The following CASP10 variants were observed in gnomAD, a reference collection of about 807,000 sequenced individuals.
CASP10 encodes caspase-10.
CASP10 carries 41 observed loss-of-function variants against 48.5 expected under a neutral mutation model. The ratio of observed to expected loss-of-function variants is 0.85; its 90% CI spans 0.66 to 1.10. The LOEUF is 1.10. Ranked by LOEUF, CASP10 falls within the 50% of genes least tolerant of loss-of-function variation. CASP10 has a pLI of 0.00. For missense variants in CASP10, 614 were observed against 614.5 expected, an observed-to-expected ratio of 1.00 and a Z score of 0.01; for synonymous variants, 232 against 238.4, an observed-to-expected ratio of 0.97 and a Z score of 0.25.
At chr2:201,228,837 T>TA (rs1178986065) in intron 9 of CASP10, 59 of 1,045,940 alleles carry the variant, frequency 5.6e-5, no homozygotes, top group Admixed American at 2.0e-4. Context: ...CAGCTGCCCA[T>TA]AAAAAAGCTA....
In CASP10 at chr2:201,183,155, C is replaced by T. The variant is rs561343446; in HGVS notation, c.-161C>T. 6.6e-6 allele frequency: 1 copy of T among 152,352 alleles called. No homozygotes were observed. The highest frequency in any genetic ancestry group is 1.5e-5 in the Non-Finnish European group (1 of 68,042). 9.4% of individuals were successfully genotyped at this position (152,352 alleles called of 1,614,324 possible). A position where few individuals can be genotyped will look rare whatever the true frequency, so the allele number is the denominator to read the frequency against. The stretch of plus-strand genomic sequence containing the variant: ...CCTGAAGATTCAGTTTTCACTTAAA[C>T]AACCAGCAAGTCTTGAAGTCTCTTC... On this transcript the variant is annotated 5_prime_UTR_variant, in exon 1 of 10. Transcript: ENST00000286186.
At chr2:201,217,076 A>T (rs990233124) in intron 9 of CASP10, among the ~76,000 whole-genome samples, 2 of 152,164 alleles carry the variant, frequency 1.3e-5, no homozygotes, top group East Asian at 1.9e-4. Flanking sequence ...TAAATGTTTC[A>T]TATCTGCATT....
chr2:201,192,645 G>A (rs1324720772), intron 3 of CASP10, among the ~76,000 whole-genome samples: 3 of 151,854 alleles, frequency 2.0e-5, no homozygotes, highest in East Asian at 3.9e-4. Context: ...TGTGACCTTC[G>A]GCAAGTTACT....
chr2:201,201,538 G>T (rs1172823015), intron 5 of CASP10, among the ~76,000 whole-genome samples: 2 of 152,154 alleles, frequency 1.3e-5, no homozygotes, highest in South Asian at 2.1e-4. Context: ...GTTTCTAAAG[G>T]GGCATGGCTC....
In CASP10 at chr2:201,195,882, G is replaced by A. The variant is rs746876281; in HGVS notation, c.618G>A (p.Glu206=). 3.7e-6 allele frequency: 6 copies of A among 1,614,010 alleles called. No individual in the cohort carries two copies. In the East Asian group the frequency reaches 1.1e-4, roughly 30 times the overall value. Residue 206 remains glutamate (E), a synonymous_variant, in exon 5 of 10, where the codon GAG becomes GAA. Transcript: ENST00000286186. ...CACCTCCTGTAGACAAGGAAGCCGA[G>A]TCGTATCAAGGAGAGGAAGAACTAG... ...IVTPPVDKEA[E]SYQGEEELVS...
intron 5 of CASP10, among the ~76,000 whole-genome samples, chr2:201,201,046 T>A (rs1295139256): frequency 6.6e-6 from 1 of 151,918 alleles, no homozygotes; most frequent in African/African-American, 2.4e-5. Context: ...AGAAGCTCTT[T>A]ATTATTTTAT....
Position 201,200,832 on chromosome 2 carries a change from T to C in CASP10, c.685-2898T>C, listed in dbSNP as rs1000419739. 7 of 799,848 alleles carry C rather than the reference T, an allele frequency of 8.8e-6. No individual in the cohort carries two copies. The East Asian group carries it at 5.8e-4, about 66-fold the overall frequency. 49.5% of individuals were successfully genotyped at this position (799,848 alleles called of 1,614,324 possible). A position where few individuals can be genotyped will look rare whatever the true frequency, so the allele number is the denominator to read the frequency against. On this transcript the variant is annotated intron_variant, in intron 5 of 9. Transcript: ENST00000286186. Reference sequence around the variant, plus strand: ...TAAAATCTTAAATTGGCTTCTTTTCTCTAGGAAAATAGCCCTTGATTCAAT... The same window carrying C: ...TAAAATCTTAAATTGGCTTCTTTTCCCTAGGAAAATAGCCCTTGATTCAAT...
chr2:201,222,247 C>T (rs781339678), downstream of CASP10, among the ~76,000 whole-genome samples: 5 of 142,030 alleles, frequency 3.5e-5, no homozygotes, highest in South Asian at 4.4e-4. Context: ...GACAAAGTCT[C>T]GCTCTCTCAC....
Position 201,209,551 on chromosome 2 carries a change from A to G in CASP10, c.1404A>G (p.Lys468=). ...AGTCTCTGTGTAATCATCTGAAGAA[A>G]TTGGTCCCAAGGTGAGAGCTCTTTT... ...YIQSLCNHLK[K]LVPRHEDILS... is the part of the protein sequence containing the mutation. Residue 468 remains lysine, a synonymous_variant, in exon 9 of 10, where the codon AAA becomes AAG. Coordinates refer to ENST00000286186, the MANE Select transcript of CASP10 (RefSeq NM_032977.4). 1.2e-6 allele frequency: 2 copies of G among 1,608,022 alleles called. No individual in the cohort carries two copies. The highest frequency in any genetic ancestry group is 1.7e-6 in the Non-Finnish European group (2 of 1,178,326).
chr2:201,206,032 C>T (rs1471371449), intron 7 of CASP10, 59 bp downstream of exon 7: 1 of 1,088,878 alleles, frequency 9.2e-7, no homozygotes, highest in African/African-American at 1.6e-5. Context: ...CAAATTTAAT[C>T]AAAAGGACGG....
exon 10 of CASP10, chr2:201,229,074 C>A (rs114536475): frequency 3.0e-5 from 49 of 1,614,068 alleles, no homozygotes; most frequent in Non-Finnish European, 4.0e-5. Flanking sequence ...GGTGGAGCAG[C>A]GTTTCCTAGT....
chr2:201,212,009 C>T (rs866012830), intron 9 of CASP10, among the ~76,000 whole-genome samples: 3 of 151,938 alleles, frequency 2.0e-5, no homozygotes, highest in Admixed American at 1.3e-4. Flanking sequence ...AGTGCAGTGG[C>T]GCAATCTCAG....
At chr2:201,191,571 T>G (rs1381679144) in intron 3 of CASP10, among the ~76,000 whole-genome samples, 1 of 152,182 alleles carries the variant, frequency 6.6e-6, no homozygotes, top group Non-Finnish European at 1.5e-5. Flanking sequence ...TGAGGCTGCA[T>G]TATCTGCAAC....
At chr2:201,213,879 G>A (rs1345583061) in intron 9 of CASP10, 1 of 152,178 alleles carries the variant, frequency 6.6e-6, no homozygotes, top group Non-Finnish European at 1.5e-5. Flanking sequence ...GATAATATCA[G>A]GAAAGGATAG....
At chr2:201,196,921 A>T (rs749166145) in intron 5 of CASP10, among the ~76,000 whole-genome samples, 1 of 152,198 alleles carries the variant, frequency 6.6e-6, no homozygotes, top group Non-Finnish European at 1.5e-5. Context: ...TCATATAAGT[A>T]GAACCATACA....
chr2:201,217,537 C>T (rs757829239), intron 9 of CASP10, 51 bp from the exon 10 acceptor site: 48 of 1,233,000 alleles, frequency 3.9e-5, no homozygotes, highest in Admixed American at 2.1e-4. Context: ...CCAGCCTGGG[C>T]GACAGAGTGA....
At chr2:201,223,440 G>A (rs1220435997), downstream of CASP10, among the ~76,000 whole-genome samples, 1 of 152,160 alleles carries the variant, frequency 6.6e-6, no homozygotes, top group African/African-American at 2.4e-5. Flanking sequence ...CTGAAGCCTC[G>A]AAGCCATTTC....
At chr2:201,226,968 TAA>T (rs1369425491) in intron 9 of CASP10, among the ~76,000 whole-genome samples, 17 of 152,274 alleles carry the variant, frequency 1.1e-4, no homozygotes, top group African/African-American at 2.4e-4. Context: ...AAAATACACA[TAA>T]GAGTCTTTTA....
intron 9 of CASP10, among the ~76,000 whole-genome samples, chr2:201,227,093 G>A (rs781221350): frequency 3.3e-5 from 5 of 152,090 alleles, no homozygotes; most frequent in East Asian, 1.9e-4. Context: ...GGGACAGGGG[G>A]GAACATGCCA....
Sources: gnomAD v4.1 joint callset for allele counts (sites outside exome capture counted in the v4.1 genomes callset) on GRCh38, gnomAD v4.1.1 for gene constraint, MANE v1.5 for transcripts, NCBI Gene and HGNC (gene_info 2026-07-23, HGNC 2026-07-21) for gene names.